Variants in ASCL5 observed in about 807,000 individuals in gnomAD.
ASCL5 encodes achaete-scute homolog 5.
For missense variants in ASCL5, 262 were observed against 268.9 expected (o/e 0.97, Z 0.18); for synonymous variants, 124 against 131.5 (o/e 0.94, Z 0.39).
At chr1:201,125,281 C>T (rs1211026351) in intron 1 of ASCL5, among the ~76,000 whole-genome samples, 1 of 152,232 alleles carries the variant, frequency 6.6e-6, no homozygotes, top group Non-Finnish European at 1.5e-5. Flanking sequence ...CACTCCCAGG[C>T]CCGGCATCTA....
intron 1 of ASCL5, among the ~76,000 whole-genome samples, chr1:201,117,643 C>G (rs1663373260): frequency 6.6e-6 from 1 of 152,170 alleles, no homozygotes; most frequent in Non-Finnish European, 1.5e-5. Flanking sequence ...GGCTCCGGTC[C>G]TGGGGGCCCT....
intron 1 of ASCL5, among the ~76,000 whole-genome samples, chr1:201,117,956 C>T (rs1328854615): frequency 6.6e-6 from 1 of 152,188 alleles, no homozygotes; most frequent in African/African-American, 2.4e-5. Flanking sequence ...CCTGTCTATT[C>T]ATATTTGACT....
chr1:201,116,308 G>A (rs567332997), intron 1 of ASCL5, among the ~76,000 whole-genome samples: 1 of 152,292 alleles, frequency 6.6e-6, no homozygotes, highest in African/African-American at 2.4e-5. Context: ...GCAGCCATCA[G>A]CCAATGAGGG....
rs777076342 is a variant in ASCL5 at position 201,115,546 on chromosome 1, A to T, written c.-174T>A. ...GGTGGCTTCCAATGACTCCCTAACA[A>T]GAGCCATCGCCCTAGACAAGTGTGG... On this transcript the variant is annotated 5_prime_UTR_variant, in exon 2 of 2. The change creates a new upstream start codon in the 5' untranslated region. Transcript: ENST00000449188. 18 of 423,268 alleles carry T rather than the reference A, an allele frequency of 4.3e-5. No homozygotes were observed. Among genetic ancestry groups the T allele is most frequent in the Non-Finnish European group, 7.2e-5 (18 of 250,856 alleles). The allele number at this position is 423,268 out of a possible 1,614,324, so 26.2% of individuals were successfully genotyped here. A position where few individuals can be genotyped will look rare whatever the true frequency, so the allele number is the denominator to read the frequency against.
At position 201,114,782 on chromosome 1, in the gene ASCL5, A is replaced by G; in HGVS notation, c.591T>C (p.Pro197=). The G allele has an allele frequency of 2.4e-6, 3 of 1,227,102 alleles. No homozygotes were observed. The highest frequency in any genetic ancestry group is 3.0e-6 in the Non-Finnish European group (3 of 985,024). 76.0% of individuals were successfully genotyped at this position (1,227,102 alleles called of 1,614,324 possible). The change falls in exon 2 of 2, where the codon CCT becomes CCC. Residue 197 remains proline (P), a synonymous_variant. Coordinates refer to ENST00000449188, the MANE Select transcript of ASCL5 (RefSeq NM_001270601.2). ...GCCAGGATTCCTCCGACTCCAAGAA[A>G]GGCGACGGGGAGAAGCAGGAGGACT... ...SSESSCFSPS[P]FLESEESWH
Position 201,115,550 on chromosome 1 carries a change from C to T in ASCL5, c.-178G>A. On this transcript the variant is annotated 5_prime_UTR_variant, in exon 2 of 2. Transcript: ENST00000449188. ...GCTTCCAATGACTCCCTAACAAGAGCCATCGCCCTAGACAAGTGTGGCCCC... is the reference window on the plus strand; with the variant it reads ...GCTTCCAATGACTCCCTAACAAGAGTCATCGCCCTAGACAAGTGTGGCCCC... 1 of 419,340 alleles carries T rather than the reference C, an allele frequency of 2.4e-6. No homozygotes were observed. The highest frequency in any genetic ancestry group is 4.0e-6 in the Non-Finnish European group (1 of 247,272). 26.0% of individuals were successfully genotyped at this position (419,340 alleles called of 1,614,324 possible).
intron 1 of ASCL5, among the ~76,000 whole-genome samples, 176 bp from the exon 2 acceptor site, chr1:201,116,053 G>A (rs1192083828): frequency 6.6e-6 from 1 of 152,198 alleles, no homozygotes. Flanking sequence ...ATAGTCGGGT[G>A]ACCACTCTGA....
chr1:201,115,316 G>T lies in ASCL5; in HGVS notation c.57C>A (p.Ser19Arg). Reference sequence around the variant, plus strand: ...GGGGCATGACGCCCAGCTGCATGCAGCTGGGGGGCCCCAGAGGCCTCCGGT... The same window carrying T: ...GGGGCATGACGCCCAGCTGCATGCATCTGGGGGGCCCCAGAGGCCTCCGGT... ...LVDRRPLGPP[S>R]CMQLGVMPPP... The change falls in exon 2 of 2, where the codon AGC (serine) becomes AGA (arginine). Residue 19 changes from serine to arginine, a missense_variant. Transcript: ENST00000449188. 8.1e-7 allele frequency: 1 copy of T among 1,231,242 alleles called. No homozygotes were observed. Among genetic ancestry groups the T allele is most frequent in the Non-Finnish European group, 1.0e-6 (1 of 987,592 alleles). The allele number at this position is 1,231,242 out of a possible 1,614,324, so 76.3% of individuals were successfully genotyped here. A position where few individuals can be genotyped will look rare whatever the true frequency, so the allele number is the denominator to read the frequency against.
chr1:201,114,750 G>C lies in ASCL5; in HGVS notation c.*2C>G, dbSNP rs983928594. On this transcript the variant is annotated 3_prime_UTR_variant, in exon 2 of 2. Transcript: ENST00000449188. ...CCAAGCCGGGGGCGGCCACAGGCCC[G>C]ATCAATGCCAGGATTCCTCCGACTC... 1.6e-6 allele frequency: 2 copies of C among 1,230,736 alleles called. No individual in the cohort carries two copies. Among genetic ancestry groups the C allele is most frequent in the Non-Finnish European group, 2.0e-6 (2 of 987,388 alleles). The allele number at this position is 1,230,736 out of a possible 1,614,324, so 76.2% of individuals were successfully genotyped here.
chr1:201,121,828 C>CA (rs58564176), intron 1 of ASCL5, among the ~76,000 whole-genome samples: 6,189 of 142,254 alleles, frequency 0.044, 414 homozygotes, highest in African/African-American at 0.14. Flanking sequence ...GACCCTGTCT[C>CA]AAAAAAAAAA....
At chr1:201,121,888 T>TG (rs1317447256) in intron 1 of ASCL5, among the ~76,000 whole-genome samples, 8 of 151,990 alleles carry the variant, frequency 5.3e-5, no homozygotes, top group East Asian at 1.9e-4. Context: ...CAATCTCCCT[T>TG]GGGGGGTCTG....
intron 1 of ASCL5, among the ~76,000 whole-genome samples, chr1:201,119,616 T>G (rs1280657277): frequency 6.6e-6 from 1 of 152,216 alleles, no homozygotes. Flanking sequence ...TTTCTCCCTG[T>G]GTTTGTGAAG....
In ASCL5 at chr1:201,115,441, C is replaced by G; in HGVS notation, c.-69G>C. The G allele has an allele frequency of 8.3e-7, 1 of 1,202,554 alleles. No homozygotes were observed. Among genetic ancestry groups the G allele is most frequent in the Non-Finnish European group, 1.0e-6 (1 of 961,706 alleles). The allele number at this position is 1,202,554 out of a possible 1,614,324, so 74.5% of individuals were successfully genotyped here. A position where few individuals can be genotyped will look rare whatever the true frequency, so the allele number is the denominator to read the frequency against. ...GGCCCCGGCTTGGGGTCTGCACCGT[C>G]TCCACCAGTGGGGCAAGTCACATCG... On this transcript the variant is annotated 5_prime_UTR_variant, in exon 2 of 2. Transcript: ENST00000449188.
At chr1:201,125,412 C>G (rs748311412) in intron 1 of ASCL5, among the ~76,000 whole-genome samples, 1 of 152,238 alleles carries the variant, frequency 6.6e-6, no homozygotes, top group Non-Finnish European at 1.5e-5. Context: ...GTTCTCCCCT[C>G]TAGCCCATGT....
intron 1 of ASCL5, among the ~76,000 whole-genome samples, chr1:201,117,892 G>A (rs911865876): frequency 1.3e-5 from 2 of 152,044 alleles, no homozygotes; most frequent in African/African-American, 2.4e-5. Flanking sequence ...ATTTTCTAGC[G>A]GTTCTCTTTT....
Position 201,115,159 on chromosome 1 carries a change from C to A in ASCL5, c.214G>T (p.Ala72Ser). Reference sequence around the variant, plus strand: ...AAGGGGTATTCGTAGACCCCGAAGGCGCCGGGGAAGGGCACGTAGGGGAAC... The same window carrying A: ...AAGGGGTATTCGTAGACCCCGAAGGAGCCGGGGAAGGGCACGTAGGGGAAC... The part of the protein sequence containing the change: ...GVFPYVPFPG[A>S]FGVYEYPFEP... The change falls in exon 2 of 2, where the codon GCC becomes TCC. Residue 72 changes from alanine to serine, a missense_variant. Transcript: ENST00000449188. 1 of 1,231,678 alleles carries A rather than the reference C, an allele frequency of 8.1e-7. No homozygotes were observed. The highest frequency in any genetic ancestry group is 1.0e-6 in the Non-Finnish European group (1 of 987,950). The allele number at this position is 1,231,678 out of a possible 1,614,324, so 76.3% of individuals were successfully genotyped here.
chr1:201,122,671 G>A (rs775521879), intron 1 of ASCL5, among the ~76,000 whole-genome samples: 1 of 152,164 alleles, frequency 6.6e-6, no homozygotes, highest in South Asian at 2.1e-4. Flanking sequence ...GATCTCCTGG[G>A]GGTGGAGCTG....
chr1:201,119,563 C>G (rs1663410160), intron 1 of ASCL5, among the ~76,000 whole-genome samples: 1 of 152,054 alleles, frequency 6.6e-6, no homozygotes, highest in Non-Finnish European at 1.5e-5. Flanking sequence ...AAGAGAAGAC[C>G]CCTTAGGAAA....
Position 201,115,244 on chromosome 1 carries a change from C to T in ASCL5, c.129G>A (p.Val43=), listed in dbSNP as rs112660450. 1.0e-4 allele frequency: 128 copies of T among 1,231,472 alleles called. 1 individual carries two copies. The African/African-American group carries it at 1.4e-3, about 14-fold the overall frequency. 76.3% of individuals were successfully genotyped at this position (1,231,472 alleles called of 1,614,324 possible). A position where few individuals can be genotyped will look rare whatever the true frequency, so the allele number is the denominator to read the frequency against. The change falls in exon 2 of 2, where the codon GTG becomes GTA. Residue 43 remains valine (V), a synonymous_variant. Coordinates refer to ENST00000449188, the MANE Select transcript of ASCL5 (RefSeq NM_001270601.2). The part of the protein sequence containing the change: ...PLPPAEPLGN[V]PFLLYPGPAE... ...CTGGGCCCGGGTACAGCAGGAAGGG[C>T]ACGTTGCCCAGGGGCTCGGCGGGGG...
Sources: gnomAD v4.1 joint callset for allele counts (sites outside exome capture counted in the v4.1 genomes callset) on GRCh38, gnomAD v4.1.1 for gene constraint, MANE v1.5 for transcripts, NCBI Gene and HGNC (gene_info 2026-07-23, HGNC 2026-07-21) for gene names.